The following WWOX variants were observed in gnomAD, a reference collection of about 807,000 sequenced individuals.
The protein encoded by WWOX is WW domain-containing oxidoreductase.
In WWOX, 69 loss-of-function variants were observed where a neutral mutation model predicts 46.2. The observed-to-expected ratio is 1.49, with a 90% CI of 1.23 to 1.82. The LOEUF is 1.82. WWOX is among the 40% of genes most tolerant of loss of function. WWOX has a pLI of 0.00. For synonymous variants in WWOX, 359 were observed against 202.6 expected (o/e 1.77, Z -6.56); for missense variants, 919 against 542.6 (o/e 1.69, Z -6.89).
chr16:78,922,903 AC>A (rs1211543981), intron 8 of WWOX, among the ~76,000 whole-genome samples: 2 of 152,106 alleles, frequency 1.3e-5, no homozygotes, highest in Non-Finnish European at 2.9e-5. Context: ...AGAACTTAAA[AC>A]TAAATTTTTA....
At chr16:78,394,029 C>A (rs963009219) in intron 6 of WWOX, among the ~76,000 whole-genome samples, 3 of 152,110 alleles carry the variant, frequency 2.0e-5, no homozygotes, top group African/African-American at 7.2e-5. Flanking sequence ...TTTGCTGTCT[C>A]AAATCCATCT....
intron 8 of WWOX, among the ~76,000 whole-genome samples, chr16:78,954,606 A>G (rs570242472): frequency 6.6e-5 from 10 of 152,212 alleles, no homozygotes; most frequent in Non-Finnish European, 1.0e-4. Context: ...AAACAGACAC[A>G]TAAATAAGAA....
At chr16:78,799,070 C>A (rs79069553) in intron 8 of WWOX, among the ~76,000 whole-genome samples, 2,646 of 152,276 alleles carry the variant, frequency 0.017, 39 homozygotes, top group Non-Finnish European at 0.025. Flanking sequence ...CTTGTCAATC[C>A]ATTTTGTCAC....
At chr16:78,488,899 A>G (rs1191675376) in intron 8 of WWOX, among the ~76,000 whole-genome samples, 2 of 150,872 alleles carry the variant, frequency 1.3e-5, no homozygotes, top group African/African-American at 5.0e-5. Context: ...ATCTGTTGTC[A>G]CTATTATTTT....
intron 8 of WWOX, among the ~76,000 whole-genome samples, chr16:78,590,098 A>G (rs1239412916): frequency 3.3e-5 from 5 of 152,100 alleles, no homozygotes; most frequent in Admixed American, 2.6e-4. Flanking sequence ...AGAAACACAT[A>G]TAGGATAGGA....
chr16:78,822,486 C>T (rs763942859), intron 8 of WWOX, among the ~76,000 whole-genome samples: 1 of 151,972 alleles, frequency 6.6e-6, no homozygotes, highest in Non-Finnish European at 1.5e-5. Context: ...AGAGCCGAGA[C>T]TCTGTCTCAA....
At chr16:78,694,143 G>A (rs1000719892) in intron 8 of WWOX, among the ~76,000 whole-genome samples, 4 of 152,228 alleles carry the variant, frequency 2.6e-5, no homozygotes, top group African/African-American at 4.8e-5. Flanking sequence ...GAGGCAGGAG[G>A]CAGAGGTTGC....
intron 6 of WWOX, among the ~76,000 whole-genome samples, chr16:78,415,818 C>T (rs558761941): frequency 6.8e-4 from 104 of 152,236 alleles, no homozygotes; most frequent in African/African-American, 1.9e-3. Context: ...TGACAACCCC[C>T]GCCCCCACCA....
intron 8 of WWOX, among the ~76,000 whole-genome samples, chr16:79,085,851 G>T (rs1297671230): frequency 2.0e-5 from 3 of 152,076 alleles, no homozygotes; most frequent in Admixed American, 1.3e-4. Flanking sequence ...TTCAAGTCCA[G>T]CCTGGGCAAC....
In WWOX at chr16:78,154,923, A is replaced by G. The variant is rs187501143; in HGVS notation, c.410-9260A>G. 4.2e-3 allele frequency among the ~76,000 whole-genome samples: 640 copies of G among 152,264 alleles called. 3 individuals carry two copies. Among genetic ancestry groups the G allele is most frequent in the Non-Finnish European group, 7.0e-3 (478 of 68,030 alleles). ...TCCTGAATAATGTGCACTGAGCATC[A>G]AGTGCCTGCAGTGGCCTGGCGGGTA... is the stretch of plus-strand genomic sequence containing the variant. On this transcript the variant is annotated intron_variant, in intron 4 of 8. Transcript: ENST00000566780.
chr16:79,009,639 C>G (rs924199697), intron 8 of WWOX, among the ~76,000 whole-genome samples: 5 of 152,134 alleles, frequency 3.3e-5, no homozygotes, highest in African/African-American at 1.2e-4. Flanking sequence ...TTGGTAAAGA[C>G]AAGGTTTCCC....
At chr16:78,586,228 T>G (rs534703962) in intron 8 of WWOX, among the ~76,000 whole-genome samples, 2 of 152,090 alleles carry the variant, frequency 1.3e-5, no homozygotes, top group South Asian at 4.1e-4. Context: ...AATTCAGAAT[T>G]GGAAGTTGCA....
chr16:78,879,457 A>T (rs2044298065), intron 8 of WWOX, among the ~76,000 whole-genome samples: 2 of 151,828 alleles, frequency 1.3e-5, no homozygotes, highest in Non-Finnish European at 2.9e-5. Context: ...ATCTGCTCTC[A>T]CTTCCCCAAA....
intron 8 of WWOX, among the ~76,000 whole-genome samples, chr16:78,501,966 C>T (rs898563076): frequency 3.3e-5 from 5 of 152,130 alleles, no homozygotes; most frequent in African/African-American, 9.7e-5. Flanking sequence ...TCAGAGTTAA[C>T]GTAGAAGGTT....
At chr16:78,445,662 A>G (rs540859576) in intron 8 of WWOX, among the ~76,000 whole-genome samples, 1 of 152,346 alleles carries the variant, frequency 6.6e-6, no homozygotes, top group South Asian at 2.1e-4. Context: ...GGATCACTTG[A>G]GGCCGGGAGT....
intron 5 of WWOX, among the ~76,000 whole-genome samples, chr16:78,236,768 C>G (rs920220143): frequency 6.6e-6 from 1 of 152,018 alleles, no homozygotes; most frequent in African/African-American, 2.4e-5. Flanking sequence ...ATGACTTGTC[C>G]CATGATGATA....
chr16:78,415,801 T>C (rs990769822), intron 6 of WWOX, among the ~76,000 whole-genome samples: 1 of 152,126 alleles, frequency 6.6e-6, no homozygotes, highest in Non-Finnish European at 1.5e-5. Context: ...ATTGTCACTC[T>C]CATTGATGAC....
intron 8 of WWOX, among the ~76,000 whole-genome samples, chr16:78,840,864 CTTG>C (rs1174402354): frequency 6.6e-6 from 1 of 151,938 alleles, no homozygotes; most frequent in Non-Finnish European, 1.5e-5. Flanking sequence ...GGATGCCTGC[CTTG>C]TTGGTCCAGG....
intron 8 of WWOX, among the ~76,000 whole-genome samples, chr16:78,753,965 C>G (rs1364648181): frequency 6.7e-6 from 1 of 149,132 alleles, no homozygotes; most frequent in South Asian, 2.1e-4. Flanking sequence ...CTAACACAAT[C>G]CAATTTATCC....
Sources: allele counts gnomAD v4.1 joint callset (sites outside exome capture counted in the v4.1 genomes callset), GRCh38; gene constraint gnomAD v4.1.1; transcripts MANE v1.5; gene names NCBI Gene and HGNC (gene_info 2026-07-23, HGNC 2026-07-21).